The following POLR3H variants were observed in gnomAD, a reference collection of about 807,000 sequenced individuals.
The protein encoded by POLR3H is RNA polymerase III subunit H, also known as DNA-directed RNA polymerase III subunit RPC8.
A neutral mutation model predicts 25.5 loss-of-function variants in POLR3H; 17 were observed. The ratio of observed to expected loss-of-function variants is 0.67; its 90% CI spans 0.46 to 1.00. POLR3H has a LOEUF of 1.00. Ranked by LOEUF, POLR3H falls within the 50% of genes least tolerant of loss-of-function variation. The probability of loss-of-function intolerance (pLI) is 0.00; values close to 1 mark genes in which losing one functional copy is unlikely to be tolerated. For synonymous variants in POLR3H, 129 were observed against 103.0 expected, an observed-to-expected ratio of 1.25 and a Z score of -1.53; for missense variants, 274 against 265.0, an observed-to-expected ratio of 1.03 and a Z score of -0.24.
At position 41,528,347 on chromosome 22, in the gene POLR3H, G is replaced by C. The variant is rs556287148; in HGVS notation, c.*936C>G. 6 of 1,324,554 alleles carry C rather than the reference G, an allele frequency of 4.5e-6. No homozygotes were observed. In the African/African-American group the frequency reaches 7.4e-5, roughly 16 times the overall value. The allele number at this position is 1,324,554 out of a possible 1,614,324, so 82.1% of individuals were successfully genotyped here. On this transcript the variant is annotated 3_prime_UTR_variant, in exon 6 of 6. Transcript: ENST00000355209. ...GGTCTGACCTGGGCCATCAGGCACA[G>C]ACTGGCCTAGGATTTGGTTTGCCTG...
chr22:41,528,136 GCC>G lies in POLR3H; in HGVS notation c.*1145_*1146del. On this transcript the variant is annotated 3_prime_UTR_variant, in exon 6 of 6. Coordinates refer to ENST00000355209, the MANE Select transcript of POLR3H (RefSeq NM_001018050.4). ...AGGAGGCTTCATTCCAGCTGGAAAG[GCC>G]CCCAGTTCTCCAGGTGGCCCCACAG... 1 of 1,487,784 alleles carries G rather than the reference GCC, an allele frequency of 6.7e-7. No homozygotes were observed. The highest frequency in any genetic ancestry group is 9.1e-7 in the Non-Finnish European group (1 of 1,101,058). The allele number at this position is 1,487,784 out of a possible 1,614,324, so 92.2% of individuals were successfully genotyped here. A position where few individuals can be genotyped will look rare whatever the true frequency, so the allele number is the denominator to read the frequency against.
rs1047282058 is a variant in POLR3H at position 41,529,239 on chromosome 22, C to G, written c.*44G>C. 2 of 1,567,322 alleles carry G rather than the reference C, an allele frequency of 1.3e-6. No homozygotes were observed. The highest frequency in any genetic ancestry group is 3.4e-5 in the Admixed American group (2 of 58,794). On this transcript the variant is annotated 3_prime_UTR_variant, in exon 6 of 6. Coordinates refer to ENST00000355209, the MANE Select transcript of POLR3H (RefSeq NM_001018050.4). ...GCTGTTGTCTTCACAGCCGGCCATA[C>G]CACCTTCCCGCAGGCTGGTAGGGTC...
chr22:41,530,977 C>G, intron 4 of POLR3H, 89 bp from the exon 5 acceptor site: 1 of 1,279,928 alleles, frequency 7.8e-7, no homozygotes, highest in South Asian at 1.3e-5. Context: ...AAAAACCAAT[C>G]TCAGGGTGAG....
chr22:41,543,846 C>T (rs747402856), intron 1 of POLR3H, 145 bp downstream of exon 1: 1 of 717,672 alleles, frequency 1.4e-6, no homozygotes, highest in Non-Finnish European at 2.6e-6. Context: ...CCTTCAATAT[C>T]TCCTTTCACG....
At chr22:41,538,089 C>T (rs1001881579) in intron 2 of POLR3H, among the ~76,000 whole-genome samples, 5 of 151,802 alleles carry the variant, frequency 3.3e-5, no homozygotes, top group African/African-American at 1.2e-4. Flanking sequence ...CCTCAGCCTC[C>T]GGAGTAGCTG....
Position 41,526,879 on chromosome 22 carries a change from T to G in POLR3H, c.*2404A>C. On this transcript the variant is annotated 3_prime_UTR_variant, in exon 6 of 6. Transcript: ENST00000355209. ...GAACCCAAGTCCTGGCCCAGCCGGG[T>G]GAAAGGACTCTGGCACCCCCTGGTG... 3.2e-6 allele frequency: 1 copy of G among 310,116 alleles called. No homozygotes were observed. 19.2% of individuals were successfully genotyped at this position (310,116 alleles called of 1,614,324 possible).
chr22:41,533,509 T>C (rs751542282), intron 2 of POLR3H: 3 of 1,217,764 alleles, frequency 2.5e-6, no homozygotes, highest in Non-Finnish European at 3.2e-6. Flanking sequence ...ACACCTGGTC[T>C]TTCTGTACCC....
rs762366937 is a variant in POLR3H at position 41,532,642 on chromosome 22, G to A, written c.295+17C>T. 2.2e-5 allele frequency: 35 copies of A among 1,613,830 alleles called. No individual in the cohort carries two copies. The East Asian group carries it at 3.1e-4, about 14-fold the overall frequency. ...AGTGTTCCCAAGTCTTGTCTGAGGCGTCAGGGCCACTGTTACCGTGCACTC... is the reference window on the plus strand; with the variant it reads ...AGTGTTCCCAAGTCTTGTCTGAGGCATCAGGGCCACTGTTACCGTGCACTC... On this transcript the variant is annotated intron_variant, in intron 3 of 5. Coordinates refer to ENST00000355209, the MANE Select transcript of POLR3H (RefSeq NM_001018050.4).
rs372998239 is a variant in POLR3H, at chr22:41,526,215, C to T, written c.*3068G>A. On this transcript the variant is annotated 3_prime_UTR_variant, in exon 6 of 6. Coordinates refer to ENST00000355209, the MANE Select transcript of POLR3H (RefSeq NM_001018050.4). ...CCTCTGGAGGGCTTGTCATCCACCC[C>T]TCCAGGGCCATGCCCTGACCTCTGT... 1.6e-5 allele frequency: 25 copies of T among 1,566,780 alleles called. No individual in the cohort carries two copies. The highest frequency in any genetic ancestry group is 1.1e-4 in the East Asian group (5 of 44,326).
intron 2 of POLR3H, among the ~76,000 whole-genome samples, chr22:41,536,604 G>A (rs1358788622): frequency 2.7e-5 from 4 of 150,732 alleles, no homozygotes; most frequent in Admixed American, 6.6e-5. Context: ...AGTGGCTCAT[G>A]CCTATAATCC....
chr22:41,530,611 C>T, intron 5 of POLR3H, 76 bp downstream of exon 5: 1 of 1,377,940 alleles, frequency 7.3e-7, no homozygotes, highest in Non-Finnish European at 9.9e-7. Flanking sequence ...GAGCAGAAGC[C>T]CCAGGACACA....
chr22:41,526,401 A>T lies in POLR3H; in HGVS notation c.*2882T>A, dbSNP rs760924769. ...AACGGCAAGGCCAACTCCGTGCGCA[A>T]TGCCGTCACTCAGGAGTTTGGCCCC... is the stretch of plus-strand genomic sequence containing the variant. On this transcript the variant is annotated 3_prime_UTR_variant, in exon 6 of 6. Transcript: ENST00000355209. 6.2e-7 allele frequency: 1 copy of T among 1,613,752 alleles called. No homozygotes were observed. The highest frequency in any genetic ancestry group is 8.5e-7 in the Non-Finnish European group (1 of 1,180,000).
At chr22:41,530,040 C>T (rs556663910) in intron 5 of POLR3H, among the ~76,000 whole-genome samples, 8 of 152,158 alleles carry the variant, frequency 5.3e-5, no homozygotes, top group African/African-American at 1.9e-4. Context: ...CAGGCGTGAG[C>T]CACTGTGCCC....
intron 1 of POLR3H, chr22:41,543,789 C>A (rs1343135757): frequency 1.4e-6 from 1 of 698,428 alleles, no homozygotes; most frequent in East Asian, 2.8e-5. Context: ...TGGAATCTAA[C>A]ACTTCCAGTT....
chr22:41,530,682 C>G lies in POLR3H; in HGVS notation c.561+5G>C. ...GGGGGCTTCAGCACCATCAGAGCCA[C>G]TCACCACAAGCGTGTACGGAGCCTC... On this transcript the variant is annotated splice_donor_5th_base_variant and intron_variant, in intron 5 of 5. Coordinates refer to ENST00000355209, the MANE Select transcript of POLR3H (RefSeq NM_001018050.4). 1.2e-6 allele frequency: 2 copies of G among 1,610,652 alleles called. No homozygotes were observed. Among genetic ancestry groups the G allele is most frequent in the South Asian group, 1.1e-5 (1 of 90,764 alleles).
chr22:41,532,262 C>A (rs1279825798), intron 3 of POLR3H, 105 bp from the exon 4 acceptor site: 2 of 1,138,552 alleles, frequency 1.8e-6, no homozygotes, highest in Admixed American at 1.8e-5. Flanking sequence ...GGGCTGCCCA[C>A]GAGGCGGATG....
intron 2 of POLR3H, among the ~76,000 whole-genome samples, chr22:41,535,111 C>G (rs1198081346): frequency 6.6e-6 from 1 of 152,122 alleles, no homozygotes; most frequent in Non-Finnish European, 1.5e-5. Flanking sequence ...GATTCAACTC[C>G]TAGCGTTTAG....
chr22:41,543,933 AGTGGG>A, intron 1 of POLR3H, 53 bp downstream of exon 1: 1 of 1,273,896 alleles, frequency 7.8e-7, no homozygotes. Flanking sequence ...GCCTGCGGCC[AGTGGG>A]CGGCGCTCGC....
intron 2 of POLR3H, among the ~76,000 whole-genome samples, chr22:41,534,336 A>G (rs901924644): frequency 1.3e-5 from 2 of 152,186 alleles, no homozygotes; most frequent in South Asian, 2.1e-4. Flanking sequence ...GAGACACACA[A>G]TGGAATATTA....
Sources: allele counts gnomAD v4.1 joint callset (sites outside exome capture counted in the v4.1 genomes callset), GRCh38; gene constraint gnomAD v4.1.1; transcripts MANE v1.5; gene names NCBI Gene and HGNC (gene_info 2026-07-23, HGNC 2026-07-21).